Variants in ZFAND3 observed in about 807,000 individuals in gnomAD.
The protein encoded by ZFAND3 is zinc finger AN1-type containing 3.
In ZFAND3, 10 loss-of-function variants were observed where a neutral mutation model predicts 29.6. The observed-to-expected ratio is 0.34, with a 90% CI of 0.21 to 0.57. ZFAND3 has a LOEUF of 0.57. Ranked by LOEUF, ZFAND3 falls within the 20% of genes least tolerant of loss-of-function variation. The probability of loss-of-function intolerance (pLI) is 0.86; values close to 1 mark genes in which losing one functional copy is unlikely to be tolerated. For missense variants in ZFAND3, 230 were observed against 304.5 expected, an observed-to-expected ratio of 0.76 and a Z score of 1.82; for synonymous variants, 128 against 112.6, an observed-to-expected ratio of 1.14 and a Z score of -0.87.
intron 2 of ZFAND3, among the ~76,000 whole-genome samples, chr6:38,030,060 A>ATGTG (rs1380081033): frequency 2.9e-4 from 2 of 6,814 alleles, no homozygotes; most frequent in African/African-American, 7.0e-4. Flanking sequence ...GGATATATAT[A>ATGTG]TATATATATA....
chr6:38,111,394 A>G (rs1268557960), intron 4 of ZFAND3, among the ~76,000 whole-genome samples: 3 of 152,212 alleles, frequency 2.0e-5, no homozygotes, highest in Non-Finnish European at 4.4e-5. Context: ...ATATTGTATT[A>G]GGGATTATAA....
chr6:38,148,565 T>C (rs1766155940), intron 5 of ZFAND3, among the ~76,000 whole-genome samples: 1 of 152,142 alleles, frequency 6.6e-6, no homozygotes, highest in African/African-American at 2.4e-5. Context: ...TGGAAAATAA[T>C]CTTCTGTAGC....
intron 1 of ZFAND3, among the ~76,000 whole-genome samples, chr6:37,883,767 C>A (rs572224301): frequency 6.9e-6 from 1 of 145,556 alleles, no homozygotes; most frequent in South Asian, 2.1e-4. Context: ...GTCTTGAACT[C>A]CTGACCTCAT....
chr6:38,102,107 T>TCC (rs1561999670), intron 4 of ZFAND3, among the ~76,000 whole-genome samples: 1 of 152,116 alleles, frequency 6.6e-6, no homozygotes, highest in Non-Finnish European at 1.5e-5. Context: ...CCTCCTCCTC[T>TCC]TCTTCCTCCT....
intron 5 of ZFAND3, among the ~76,000 whole-genome samples, chr6:38,144,674 G>A (rs955896424): frequency 1.3e-5 from 2 of 152,208 alleles, no homozygotes; most frequent in African/African-American, 2.4e-5. Context: ...ATTTAAATGA[G>A]CAAGAAGTGT....
intron 3 of ZFAND3, among the ~76,000 whole-genome samples, chr6:38,068,057 A>C (rs2127465896): frequency 6.6e-6 from 1 of 152,326 alleles, no homozygotes; most frequent in South Asian, 2.1e-4. Flanking sequence ...CTGATATTCT[A>C]AACTAGCAGT....
chr6:37,958,742 C>G (rs1015492686), intron 2 of ZFAND3, among the ~76,000 whole-genome samples: 22 of 152,168 alleles, frequency 1.4e-4, no homozygotes, highest in African/African-American at 5.3e-4. Flanking sequence ...CCGCCCCCCC[C>G]TTCCCCACCC....
In ZFAND3 at chr6:38,034,556, T is replaced by C. The variant is rs549147087; in HGVS notation, c.113-27037T>C. ...CTTGTCTTGAAAAATATGCAGTATC[T>C]TTTGAAAGATTCTTGACCAATGTAA... is the stretch of plus-strand genomic sequence containing the variant. On this transcript the variant is annotated intron_variant, in intron 2 of 5. Coordinates refer to ENST00000287218, the MANE Select transcript of ZFAND3 (RefSeq NM_021943.3). 2.0e-5 allele frequency among the ~76,000 whole-genome samples: 3 copies of C among 152,330 alleles called. No homozygotes were observed. The East Asian group carries it at 5.8e-4, about 29-fold the overall frequency.
intron 1 of ZFAND3, among the ~76,000 whole-genome samples, chr6:37,908,318 G>A (rs1334030484): frequency 6.6e-6 from 1 of 152,100 alleles, no homozygotes; most frequent in Non-Finnish European, 1.5e-5. Context: ...TTATAGCACA[G>A]ATCTAAAAAT....
intron 5 of ZFAND3, among the ~76,000 whole-genome samples, chr6:38,145,728 T>G (rs1181999655): frequency 6.6e-6 from 1 of 152,142 alleles, no homozygotes; most frequent in Non-Finnish European, 1.5e-5. Flanking sequence ...GCCCTTTAGG[T>G]ATTGGGCATC....
chr6:37,884,460 C>T lies in ZFAND3; in HGVS notation c.72-45499C>T, dbSNP rs998373233. 1.3e-4 allele frequency among the ~76,000 whole-genome samples: 17 copies of T among 126,976 alleles called. 2 individuals carry two copies. The highest frequency in any genetic ancestry group is 5.7e-4 in the African/African-American group (16 of 28,024). 83.3% of individuals were successfully genotyped at this position (126,976 alleles called of 152,430 possible). On this transcript the variant is annotated intron_variant, in intron 1 of 5. Transcript: ENST00000287218. ...GGTGAGCCAAGATCGCGCCATTGCA[C>T]TCCAGCCTGGGCAAAAAGAGCGAAA...
At chr6:38,022,439 AG>A (rs1260150816) in intron 2 of ZFAND3, among the ~76,000 whole-genome samples, 3 of 152,226 alleles carry the variant, frequency 2.0e-5, no homozygotes, top group African/African-American at 7.2e-5. Flanking sequence ...TTTAAAATGC[AG>A]CTATTTCTTC....
intron 1 of ZFAND3, among the ~76,000 whole-genome samples, chr6:37,837,539 T>C (rs1488926166): frequency 6.6e-6 from 1 of 151,696 alleles, no homozygotes; most frequent in African/African-American, 2.4e-5. Context: ...AATTTTGCTC[T>C]TGTTGCCCAG....
intron 1 of ZFAND3, among the ~76,000 whole-genome samples, chr6:37,856,755 A>G (rs534440483): frequency 1.3e-5 from 2 of 152,288 alleles, no homozygotes; most frequent in East Asian, 3.9e-4. Context: ...TAATAATGCT[A>G]ATTAACAAAG....
chr6:38,020,440 C>A (rs1161911213), intron 2 of ZFAND3, among the ~76,000 whole-genome samples: 1 of 152,066 alleles, frequency 6.6e-6, no homozygotes, highest in Non-Finnish European at 1.5e-5. Flanking sequence ...TTTAGTAATA[C>A]TTTTGTATTA....
At chr6:37,917,987 A>T (rs1224053677) in intron 1 of ZFAND3, among the ~76,000 whole-genome samples, 1 of 152,166 alleles carries the variant, frequency 6.6e-6, no homozygotes, top group East Asian at 1.9e-4. Flanking sequence ...CTCCTCCTCC[A>T]TATTTTGTAG....
chr6:38,086,826 GA>G (rs1278464322), intron 4 of ZFAND3, among the ~76,000 whole-genome samples: 1 of 152,062 alleles, frequency 6.6e-6, no homozygotes. Context: ...ATTCTTCACA[GA>G]AATAGAAAAA....
intron 2 of ZFAND3, among the ~76,000 whole-genome samples, chr6:38,052,012 G>C (rs1236848494): frequency 2.0e-5 from 3 of 152,172 alleles, no homozygotes; most frequent in Admixed American, 2.0e-4. Flanking sequence ...ACACCTCTGA[G>C]TAGTTGGCTC....
chr6:37,995,241 T>C (rs1762830584), intron 2 of ZFAND3, among the ~76,000 whole-genome samples: 2 of 152,196 alleles, frequency 1.3e-5, no homozygotes, highest in African/African-American at 4.8e-5. Flanking sequence ...AATTTAATTT[T>C]AACCTCTTTC....
Sources: gnomAD v4.1 joint callset for allele counts (sites outside exome capture counted in the v4.1 genomes callset) on GRCh38, gnomAD v4.1.1 for gene constraint, MANE v1.5 for transcripts, NCBI Gene and HGNC (gene_info 2026-07-23, HGNC 2026-07-21) for gene names.